MARCHF1: variants seen among roughly 807,000 people sequenced by gnomAD.
The protein encoded by MARCHF1 is E3 ubiquitin-protein ligase MARCHF1.
Under a neutral mutation model 54.2 loss-of-function variants are expected in MARCHF1, and 40 were observed. That is an observed-to-expected ratio of 0.74 (90% CI 0.57 to 0.96). The LOEUF is 0.96. MARCHF1 is among the 40% of genes least tolerant of loss of function. The pLI is 0.00. For missense variants in MARCHF1, 586 were observed against 656.5 expected, an observed-to-expected ratio of 0.89 and a Z score of 1.17; for synonymous variants, 236 against 236.3, an observed-to-expected ratio of 1.00 and a Z score of 0.01.
intron 5 of MARCHF1, among the ~76,000 whole-genome samples, chr4:163,647,518 A>G (rs184728391): frequency 6.6e-6 from 1 of 152,162 alleles, no homozygotes; most frequent in Admixed American, 6.6e-5. Flanking sequence ...GCAGGCCAGA[A>G]AACAAGTCTT....
intron 3 of MARCHF1, among the ~76,000 whole-genome samples, chr4:163,975,807 A>C (rs553428161): frequency 6.6e-5 from 10 of 152,288 alleles, no homozygotes; most frequent in African/African-American, 2.4e-4. Context: ...AAAATAGAAA[A>C]GAGTTTATCT....
chr4:164,247,628 A>T (rs1560972821), intron 1 of MARCHF1, among the ~76,000 whole-genome samples: 1 of 53,640 alleles, frequency 1.9e-5, no homozygotes, highest in African/African-American at 5.2e-5. Context: ...AAAAAGTTAA[A>T]AGAAAAAAAG....
At chr4:164,142,186 C>G (rs1366493996) in intron 1 of MARCHF1, among the ~76,000 whole-genome samples, 1 of 152,198 alleles carries the variant, frequency 6.6e-6, no homozygotes, top group African/African-American at 2.4e-5. Context: ...CACGGAGACT[C>G]GCTGATTGCT....
intron 3 of MARCHF1, among the ~76,000 whole-genome samples, chr4:163,987,958 A>G (rs1486123256): frequency 6.6e-6 from 1 of 152,264 alleles, no homozygotes; most frequent in Non-Finnish European, 1.5e-5. Context: ...ATGTACAGAT[A>G]TCAAACAACA....
intron 4 of MARCHF1, among the ~76,000 whole-genome samples, chr4:163,852,777 C>T (rs943224878): frequency 6.6e-6 from 1 of 152,112 alleles, no homozygotes; most frequent in African/African-American, 2.4e-5. Context: ...AATTCAAGGT[C>T]GCTATTTCTA....
chr4:164,220,592 T>TATATATGTGATATATATGCTATATATGC, intron 1 of MARCHF1, among the ~76,000 whole-genome samples: 1 of 119,124 alleles, frequency 8.4e-6, no homozygotes, highest in Non-Finnish European at 1.7e-5. Flanking sequence ...ATGATATATG[T>TATATATGTGATATATATGCTATATATGC]ATATATGTAA....
intron 1 of MARCHF1, among the ~76,000 whole-genome samples, chr4:164,154,635 T>C (rs1730029477): frequency 6.6e-6 from 1 of 152,152 alleles, no homozygotes; most frequent in Non-Finnish European, 1.5e-5. Flanking sequence ...AGGGGAGCTC[T>C]TTTGGGCTCT....
intron 1 of MARCHF1, among the ~76,000 whole-genome samples, chr4:164,242,772 C>G (rs1324904787): frequency 2.6e-5 from 4 of 151,972 alleles, no homozygotes; most frequent in Non-Finnish European, 5.9e-5. Flanking sequence ...CCAATACAGA[C>G]AAGTGCTTAA....
At chr4:164,313,245 A>G (rs1461393555) in intron 1 of MARCHF1, among the ~76,000 whole-genome samples, 1 of 151,068 alleles carries the variant, frequency 6.6e-6, no homozygotes, top group Non-Finnish European at 1.5e-5. Context: ...ACTACTCAGG[A>G]AGCTGAGGCA....
chr4:164,108,803 A>G (rs992673057), intron 2 of MARCHF1, among the ~76,000 whole-genome samples: 3 of 152,130 alleles, frequency 2.0e-5, no homozygotes, highest in Non-Finnish European at 4.4e-5. Context: ...AAAATACAAG[A>G]AAAATAGTCT....
chr4:163,776,243 G>A (rs1561071257), intron 4 of MARCHF1, among the ~76,000 whole-genome samples: 1 of 151,836 alleles, frequency 6.6e-6, no homozygotes, highest in Non-Finnish European at 1.5e-5. Context: ...ACTTGCTTAC[G>A]GTCAATTAGT....
chr4:163,830,077 G>T (rs1173089833), intron 4 of MARCHF1, among the ~76,000 whole-genome samples: 1 of 152,038 alleles, frequency 6.6e-6, no homozygotes, highest in Admixed American at 6.6e-5. Context: ...GCCTCCAAAA[G>T]CTTAACTCAA....
At chr4:164,191,604 G>A (rs191531362) in intron 1 of MARCHF1, among the ~76,000 whole-genome samples, 5 of 152,214 alleles carry the variant, frequency 3.3e-5, no homozygotes, top group Admixed American at 6.5e-5. Context: ...CAATTATGGC[G>A]TTAATCAAGT....
chr4:164,255,312 G>C (rs555083832), intron 1 of MARCHF1, among the ~76,000 whole-genome samples: 1 of 149,154 alleles, frequency 6.7e-6, no homozygotes, highest in African/African-American at 2.5e-5. Flanking sequence ...ATAAAGAATT[G>C]CCCCTAAAAT....
At chr4:163,932,525 C>G in intron 3 of MARCHF1, 1 of 354,374 alleles carries the variant, frequency 2.8e-6, no homozygotes, top group South Asian at 2.3e-5. Flanking sequence ...TGACTCCTGC[C>G]ATAGAGAAAA....
chr4:164,072,093 A>G (rs1754879229), intron 2 of MARCHF1, among the ~76,000 whole-genome samples: 1 of 152,216 alleles, frequency 6.6e-6, no homozygotes, highest in African/African-American at 2.4e-5. Context: ...AGTCAAAATG[A>G]CAATGAGTCA....
At chr4:163,663,250 G>A (rs944770186) in intron 5 of MARCHF1, among the ~76,000 whole-genome samples, 16 of 139,866 alleles carry the variant, frequency 1.1e-4, no homozygotes, top group African/African-American at 4.3e-4. Flanking sequence ...ATTTAGGGCT[G>A]TTTAAGTGTA....
chr4:163,634,742 C>T lies in MARCHF1; in HGVS notation c.163-21349G>A, dbSNP rs201194126. 4.4e-3 allele frequency among the ~76,000 whole-genome samples: 650 copies of T among 148,948 alleles called. 23 individuals carry two copies. Among genetic ancestry groups the T allele is most frequent in the Admixed American group, 0.031 (456 of 14,762 alleles). ...GAATTGAGCTCAGCTCTGCACCAAG[C>T]GGACCTAATAGACATCTACAGAAGT... On this transcript the variant is annotated intron_variant, in intron 5 of 9. Coordinates refer to ENST00000514618, the MANE Select transcript of MARCHF1 (RefSeq NM_001394959.1).
intron 1 of MARCHF1, among the ~76,000 whole-genome samples, chr4:164,290,159 A>AAAATACACTTTTAC (rs1339764229): frequency 1.7e-4 from 26 of 151,936 alleles, no homozygotes; most frequent in African/African-American, 4.6e-4. Flanking sequence ...CTAGAAATGT[A>AAAATACACTTTTAC]CTCTTTCCAG....
Sources: allele counts gnomAD v4.1 joint callset (sites outside exome capture counted in the v4.1 genomes callset), GRCh38; gene constraint gnomAD v4.1.1; transcripts MANE v1.5; gene names NCBI Gene and HGNC (gene_info 2026-07-23, HGNC 2026-07-21).